SGSM3: variants seen among roughly 807,000 people sequenced by gnomAD.
SGSM3 encodes RUN and SH3 containing 3.
In SGSM3, 96 loss-of-function variants were observed where a neutral mutation model predicts 100.5. The ratio of observed to expected loss-of-function variants is 0.96; its 90% CI spans 0.81 to 1.13. SGSM3 has a LOEUF of 1.13. Ranked by LOEUF, SGSM3 falls within the 50% of genes most tolerant of loss-of-function variation. SGSM3 has a pLI of 0.00. For missense variants in SGSM3, 1,001 were observed against 1,015.8 expected, an observed-to-expected ratio of 0.99 and a Z score of 0.20; for synonymous variants, 483 against 422.8, an observed-to-expected ratio of 1.14 and a Z score of -1.75.
Position 40,400,819 on chromosome 22 carries a change from G to C in SGSM3, c.7+6G>C. On this transcript the variant is annotated splice_donor_region_variant and intron_variant, in intron 2 of 21. Coordinates refer to ENST00000248929, the MANE Select transcript of SGSM3 (RefSeq NM_015705.6). ...GCCCACCAGCACAATGTCAGGTAGA[G>C]GCAGGGGCTGGACTTGGAAACGGGG... 1 of 1,539,704 alleles carries C rather than the reference G, an allele frequency of 6.5e-7. No individual in the cohort carries two copies. The highest frequency in any genetic ancestry group is 8.7e-7 in the Non-Finnish European group (1 of 1,143,306).
intron 1 of SGSM3, chr22:40,376,293 G>C (rs1601708893): frequency 7.1e-6 from 1 of 140,150 alleles, no homozygotes; most frequent in East Asian, 2.1e-4. Flanking sequence ...TTGCTTGTCT[G>C]CTTGCTTGAT....
rs971040893 is a variant in SGSM3, at chr22:40,397,684, C to T, written c.-111-3012C>T. Among the ~76,000 whole-genome samples, 4 of 152,198 alleles carry T rather than the reference C, an allele frequency of 2.6e-5. 1 individual carries two copies. The highest frequency in any genetic ancestry group is 5.9e-5 in the Non-Finnish European group (4 of 68,020). On this transcript the variant is annotated intron_variant, in intron 1 of 21. Transcript: ENST00000248929. Reference sequence around the variant, plus strand: ...CTCCCACTCTTTCCTTCTCATTCCCCAGCCCCTCCAGCCTGCTGGCTGCCT... The same window carrying T: ...CTCCCACTCTTTCCTTCTCATTCCCTAGCCCCTCCAGCCTGCTGGCTGCCT...
intron 2 of SGSM3, among the ~76,000 whole-genome samples, chr22:40,401,096 T>C (rs1176377427): frequency 6.6e-6 from 1 of 152,212 alleles, no homozygotes; most frequent in Non-Finnish European, 1.5e-5. Flanking sequence ...TGCTGTTTCT[T>C]TCCCCTCTTC....
rs1242918310 is a variant in SGSM3, at chr22:40,401,669, C to T, written c.84C>T (p.Tyr28=). 6.2e-7 allele frequency: 1 copy of T among 1,612,562 alleles called. No individual in the cohort carries two copies. Among genetic ancestry groups the T allele is most frequent in the Non-Finnish European group, 8.5e-7 (1 of 1,178,986 alleles). Reference sequence around the variant, plus strand: ...GGCCCCAGGAGATCTTGGCCAAGTACACGCAGGTATAGCAGTTAGCCAGGC... The same window carrying T: ...GGCCCCAGGAGATCTTGGCCAAGTATACGCAGGTATAGCAGTTAGCCAGGC... ...SIWPQEILAK[Y]TQKEESAEQP... Residue 28 remains tyrosine, a synonymous_variant, in exon 3 of 22, where the codon TAC becomes TAT. Transcript: ENST00000248929.
intron 1 of SGSM3, among the ~76,000 whole-genome samples, chr22:40,393,464 T>G (rs2049627240): frequency 6.6e-6 from 1 of 152,234 alleles, no homozygotes; most frequent in South Asian, 2.1e-4. Context: ...TTCATGCTGA[T>G]GATTCCACTT....
At chr22:40,391,693 A>C (rs1424493079) in intron 1 of SGSM3, among the ~76,000 whole-genome samples, 1 of 152,234 alleles carries the variant, frequency 6.6e-6, no homozygotes, top group Non-Finnish European at 1.5e-5. Flanking sequence ...TGATTAGCCT[A>C]TTGACTATGT....
chr22:40,405,107 C>T, intron 6 of SGSM3, 34 bp from the exon 7 acceptor site: 1 of 1,479,116 alleles, frequency 6.8e-7, no homozygotes, highest in Non-Finnish European at 9.0e-7. Context: ...GTCACAAGGT[C>T]TTGTTATTGT....
intron 1 of SGSM3, among the ~76,000 whole-genome samples, chr22:40,370,921 G>C (rs1601617438): frequency 6.6e-6 from 1 of 152,196 alleles, no homozygotes; most frequent in Non-Finnish European, 1.5e-5. Context: ...TGCGTCCTCC[G>C]GTGCGGCCGC....
At chr22:40,408,890 C>T in intron 18 of SGSM3, 43 bp from the exon 19 acceptor site, 1 of 1,613,928 alleles carries the variant, frequency 6.2e-7, no homozygotes, top group Non-Finnish European at 8.5e-7. Context: ...CTGGGGTTAG[C>T]CTGTGGGGGA....
chr22:40,375,865 C>T (rs899202932), intron 1 of SGSM3, among the ~76,000 whole-genome samples: 8 of 151,950 alleles, frequency 5.3e-5, no homozygotes, highest in Non-Finnish European at 1.2e-4. Context: ...TGGTGAGACC[C>T]TGCCTCTACA....
At chr22:40,406,020 C>T in intron 8 of SGSM3, 58 bp from the exon 9 acceptor site, 16 of 1,589,538 alleles carry the variant, frequency 1.0e-5, no homozygotes, top group East Asian at 2.2e-5. Context: ...TGCTGCAGTT[C>T]CGGGGAGGGA....
intron 1 of SGSM3, chr22:40,373,397 A>T (rs1252056907): frequency 1.3e-5 from 2 of 152,086 alleles, no homozygotes; most frequent in African/African-American, 4.8e-5. Context: ...TTACTCCTTC[A>T]TTCATTGCAG....
In SGSM3 at chr22:40,408,966, G is replaced by C; in HGVS notation, c.1936G>C (p.Val646Leu). The C allele has an allele frequency of 6.2e-7, 1 of 1,601,758 alleles. No homozygotes were observed. The highest frequency in any genetic ancestry group is 8.5e-7 in the Non-Finnish European group (1 of 1,174,052). ...GTCTGTGAACGTGACCCACGATGCA[G>C]TGCATGCACAAATGGATGTGAAGCT... ...VQSVNVTHDA[V>L]HAQMDVKLRS... Residue 646 changes from valine (V) to leucine (L), a missense_variant, in exon 19 of 22, where the codon GTG becomes CTG. By Grantham distance (32) the Val-to-Leu change is conservative. Transcript: ENST00000248929.
Position 40,407,434 on chromosome 22 carries a change from A to T in SGSM3, c.1390A>T (p.Met464Leu), listed in dbSNP as rs372461876. 1 of 1,612,852 alleles carries T rather than the reference A, an allele frequency of 6.2e-7. No individual in the cohort carries two copies. The highest frequency in any genetic ancestry group is 1.3e-5 in the African/African-American group (1 of 75,050). ...GCAGGAGCTGACTCCAGACTATAGCATGGAGAGCCACCAGCGGGACCACGA... is the reference window on the plus strand; with the variant it reads ...GCAGGAGCTGACTCCAGACTATAGCTTGGAGAGCCACCAGCGGGACCACGA... Reference protein sequence around the residue: ...CSVELTPDYSMESHQRDHENY... With the variant: ...CSVELTPDYSLESHQRDHENY... Residue 464 changes from methionine (M) to leucine (L), a missense_variant, in exon 13 of 22, where the codon ATG becomes TTG. Met to Leu is a conservative substitution (Grantham distance 15). Transcript: ENST00000248929. The surrounding 1 kb of genome is among the most constrained non-coding windows in gnomAD (Gnocchi z 4.7).
At chr22:40,401,745 A>T in intron 3 of SGSM3, 70 bp downstream of exon 3, 1 of 1,349,354 alleles carries the variant, frequency 7.4e-7, no homozygotes, top group Non-Finnish European at 1.1e-6. Flanking sequence ...CCAGCTCTGC[A>T]GGCTGCCCAG....
chr22:40,374,818 G>A (rs969630371), intron 1 of SGSM3, among the ~76,000 whole-genome samples: 4 of 152,152 alleles, frequency 2.6e-5, no homozygotes, highest in African/African-American at 9.7e-5. Flanking sequence ...TCAGGAGGTC[G>A]AAGTTGCAGC....
intron 19 of SGSM3, 30 bp downstream of exon 19, chr22:40,409,048 C>T: frequency 6.4e-7 from 1 of 1,554,688 alleles, no homozygotes; most frequent in East Asian, 2.4e-5. Context: ...TGGAGGAGAG[C>T]CCTGGAGTGG....
rs1474733151 is a variant in SGSM3, at chr22:40,375,771, C to T, written c.-112+5083C>T. Among the ~76,000 whole-genome samples, 5 of 151,842 alleles carry T rather than the reference C, an allele frequency of 3.3e-5. No homozygotes were observed. In the South Asian group the frequency reaches 6.2e-4, roughly 19 times the overall value. On this transcript the variant is annotated intron_variant, in intron 1 of 21. Transcript: ENST00000248929. Reference sequence around the variant, plus strand: ...CTCTAAAGACATGAAACAGGCTGGGCTTATGTCTGTAATCCCAGCACTTTG... The same window carrying T: ...CTCTAAAGACATGAAACAGGCTGGGTTTATGTCTGTAATCCCAGCACTTTG...
intron 1 of SGSM3, among the ~76,000 whole-genome samples, chr22:40,385,628 C>T (rs1445967205): frequency 2.0e-5 from 3 of 152,078 alleles, no homozygotes; most frequent in African/African-American, 4.8e-5. Flanking sequence ...AGCTGAGCTT[C>T]GTTAAAGCTG....
Sources: allele counts gnomAD v4.1 joint callset (sites outside exome capture counted in the v4.1 genomes callset), GRCh38; gene constraint gnomAD v4.1.1; non-coding constraint Gnocchi (gnomAD v3.1); transcripts MANE v1.5; gene names NCBI Gene and HGNC (gene_info 2026-07-23, HGNC 2026-07-21).